Variants in NXN observed in about 807,000 individuals in gnomAD.
NXN encodes the protein nucleoredoxin 1.
A neutral mutation model predicts 48.6 loss-of-function variants in NXN; 16 were observed. The ratio of observed to expected loss-of-function variants is 0.33; its 90% CI spans 0.22 to 0.50. The LOEUF (loss-of-function observed/expected upper bound fraction) is 0.50. Among genes scored for constraint, NXN ranks in the 20% least tolerant of loss-of-function variants. The pLI, the probability that NXN is intolerant of heterozygous loss-of-function variation, is 0.98. For missense variants in NXN, 492 were observed against 605.5 expected, an observed-to-expected ratio of 0.81 and a Z score of 1.97; for synonymous variants, 281 against 269.6, an observed-to-expected ratio of 1.04 and a Z score of -0.41.
At chr17:868,143 T>C (rs2068112245) in intron 1 of NXN, among the ~76,000 whole-genome samples, 1 of 152,182 alleles carries the variant, frequency 6.6e-6, no homozygotes, top group Non-Finnish European at 1.5e-5. Context: ...CCCTTCATTC[T>C]TCAGGCTGCT....
intron 1 of NXN, among the ~76,000 whole-genome samples, chr17:961,169 G>A (rs571495357): frequency 2.3e-3 from 343 of 152,036 alleles, no homozygotes; most frequent in African/African-American, 7.8e-3. Flanking sequence ...TGAGGCAGGC[G>A]GATCACCTGA....
rs1225042714 is a variant in NXN, at chr17:978,337, G to C, written c.360+982C>G. 1 of 152,254 alleles carries C rather than the reference G, an allele frequency of 6.6e-6. No homozygotes were observed. Among genetic ancestry groups the C allele is most frequent in the Non-Finnish European group, 1.5e-5 (1 of 68,044 alleles). The allele number at this position is 152,254 out of a possible 1,614,324, so 9.4% of individuals were successfully genotyped here. On this transcript the variant is annotated intron_variant, in intron 1 of 7. Coordinates refer to ENST00000336868, the MANE Select transcript of NXN (RefSeq NM_022463.5). The surrounding 1 kb of genome is among the most constrained non-coding windows in gnomAD (Gnocchi z 4.1). ...GTCCTGGATGTGCTTTATTATCACA[G>C]AGACAGACATCCTCACCCAAGGGAC...
Position 896,762 on chromosome 17 carries a change from C to T in NXN, c.361-70684G>A. 1.0e-5 allele frequency: 8 copies of T among 783,658 alleles called. No homozygotes were observed. In the South Asian group the frequency reaches 1.8e-4, roughly 18 times the overall value. 48.5% of individuals were successfully genotyped at this position (783,658 alleles called of 1,614,324 possible). A position where few individuals can be genotyped will look rare whatever the true frequency, so the allele number is the denominator to read the frequency against. On this transcript the variant is annotated intron_variant, in intron 1 of 7. Coordinates refer to ENST00000336868, the MANE Select transcript of NXN (RefSeq NM_022463.5). ...GAGTTGTTTCTGGTAATAGAACCTT[C>T]TCCTCGACTTCAAAGCTTCCCTAAA... is the stretch of plus-strand genomic sequence containing the variant.
intron 1 of NXN, among the ~76,000 whole-genome samples, chr17:966,519 G>A (rs1050257467): frequency 3.3e-5 from 5 of 151,374 alleles, no homozygotes; most frequent in Admixed American, 6.6e-5. Flanking sequence ...GGCTAATTTT[G>A]TATTTTTAGT....
intron 1 of NXN, among the ~76,000 whole-genome samples, chr17:974,184 C>T (rs2069427264): frequency 6.6e-6 from 1 of 151,532 alleles, no homozygotes; most frequent in African/African-American, 2.4e-5. Flanking sequence ...CCCGTCTCTA[C>T]TAAAAATACA....
At chr17:918,268 G>T (rs1034644553) in intron 1 of NXN, among the ~76,000 whole-genome samples, 3 of 152,200 alleles carry the variant, frequency 2.0e-5, no homozygotes, top group Admixed American at 6.5e-5. Context: ...GCCCAAAGGG[G>T]TCTGGTCTTG....
At chr17:864,494 T>C (rs1233351351) in intron 1 of NXN, among the ~76,000 whole-genome samples, 2 of 152,200 alleles carry the variant, frequency 1.3e-5, no homozygotes, top group Non-Finnish European at 2.9e-5. Flanking sequence ...AGGAACAAAG[T>C]GGGCTCTGCC....
At chr17:853,702 C>CACACATATATATATATATATATATAT (rs1269027449) in intron 1 of NXN, among the ~76,000 whole-genome samples, 1 of 119,316 alleles carries the variant, frequency 8.4e-6, no homozygotes, top group African/African-American at 3.6e-5. Flanking sequence ...CTGTTATACA[C>CACACATATATATATATATATATATAT]ATATATATAT....
intron 1 of NXN, among the ~76,000 whole-genome samples, chr17:946,758 G>A (rs774579420): frequency 1.3e-5 from 2 of 152,214 alleles, no homozygotes; most frequent in African/African-American, 2.4e-5. Context: ...GCACATCTCC[G>A]CATCGCTGGG....
At chr17:856,889 G>A (rs772938157) in intron 1 of NXN, among the ~76,000 whole-genome samples, 23 of 152,000 alleles carry the variant, frequency 1.5e-4, no homozygotes, top group South Asian at 2.1e-4. Context: ...AGCCCTCCCC[G>A]GAACTGCCTT....
At chr17:905,026 G>A (rs777409890) in intron 1 of NXN, 3 of 151,974 alleles carry the variant, frequency 2.0e-5, no homozygotes, top group Admixed American at 1.3e-4. Flanking sequence ...CCACAACTAC[G>A]GATCTAACAC....
intron 5 of NXN, among the ~76,000 whole-genome samples, chr17:812,997 T>C (rs913274178): frequency 4.6e-5 from 7 of 151,836 alleles, no homozygotes; most frequent in African/African-American, 1.7e-4. Flanking sequence ...TGAATGTAGG[T>C]GTTTGCATGT....
At chr17:927,675 C>G (rs2068814743) in intron 1 of NXN, among the ~76,000 whole-genome samples, 2 of 150,588 alleles carry the variant, frequency 1.3e-5, no homozygotes, top group Middle Eastern at 6.8e-3. Flanking sequence ...CGTAACCAGT[C>G]AGACAGCGAT....
chr17:803,257 C>T (rs1016435431), intron 7 of NXN, among the ~76,000 whole-genome samples: 4 of 152,114 alleles, frequency 2.6e-5, no homozygotes, highest in African/African-American at 7.2e-5. Flanking sequence ...GCTGGGTGAC[C>T]GCAGGTATAA....
chr17:884,299 G>T (rs1414980212), intron 1 of NXN, among the ~76,000 whole-genome samples: 1 of 151,762 alleles, frequency 6.6e-6, no homozygotes, highest in African/African-American at 2.4e-5. Flanking sequence ...TAGCTACTTG[G>T]GGGGCTGAGG....
intron 1 of NXN, among the ~76,000 whole-genome samples, chr17:848,343 T>G (rs1459317550): frequency 6.6e-6 from 1 of 152,204 alleles, no homozygotes; most frequent in Non-Finnish European, 1.5e-5. Context: ...TTTCACCATG[T>G]TGGCCAGGGC....
At chr17:896,855 C>CCGGGGGGGGCGGGGG in intron 1 of NXN, 1 of 1,102,006 alleles carries the variant, frequency 9.1e-7, no homozygotes, top group Non-Finnish European at 1.2e-6. Flanking sequence ...GCGGTCCTGA[C>CCGGGGGGGGCGGGGG]CACCCGCCCC....
Position 814,752 on chromosome 17 carries a change from G to A in NXN, c.820+4687C>T, listed in dbSNP as rs557379724. ...CTCAATACATCAAATCCGGCCGGGC[G>A]CAGTGGCTCACGCCTGTAATCCCAG... is the stretch of plus-strand genomic sequence containing the variant. On this transcript the variant is annotated intron_variant, in intron 5 of 7. Transcript: ENST00000336868. 2.1e-4 allele frequency among the ~76,000 whole-genome samples: 32 copies of A among 152,248 alleles called. No homozygotes were observed. The South Asian group carries it at 5.6e-3, about 27-fold the overall frequency.
intron 1 of NXN, among the ~76,000 whole-genome samples, chr17:906,316 T>A (rs1209230488): frequency 2.6e-5 from 4 of 151,240 alleles, no homozygotes; most frequent in African/African-American, 9.7e-5. Flanking sequence ...TATTTTTGAA[T>A]GACTGGCCTG....
Sources: gnomAD v4.1 joint callset for allele counts (sites outside exome capture counted in the v4.1 genomes callset) on GRCh38, gnomAD v4.1.1 for gene constraint, Gnocchi (gnomAD v3.1) non-coding constraint, MANE v1.5 for transcripts, NCBI Gene and HGNC (gene_info 2026-07-23, HGNC 2026-07-21) for gene names.